Variants in GALNT13 observed in about 807,000 individuals in gnomAD.
The protein encoded by GALNT13 is UDP-GalNAc:polypeptide N-acetylgalactosaminyltransferase 13.
In GALNT13, 28 loss-of-function variants were observed where a neutral mutation model predicts 64.2. The ratio of observed to expected loss-of-function variants is 0.44; its 90% CI spans 0.32 to 0.60. The LOEUF (loss-of-function observed/expected upper bound fraction) is 0.60. GALNT13 is among the 20% of genes least tolerant of loss of function. The pLI is 0.05. For synonymous variants in GALNT13, 214 were observed against 224.6 expected, an observed-to-expected ratio of 0.95 and a Z score of 0.42; for missense variants, 577 against 669.8, an observed-to-expected ratio of 0.86 and a Z score of 1.53.
intron 8 of GALNT13, among the ~76,000 whole-genome samples, chr2:154,293,670 C>G (rs1692763306): frequency 1.3e-5 from 2 of 152,016 alleles, no homozygotes; most frequent in Non-Finnish European, 2.9e-5. Context: ...TGTGACAGAG[C>G]CTGTAGAAAA....
At chr2:153,656,790 C>T in the GALNT13 span, among the ~76,000 whole-genome samples, 45 of 151,996 alleles carry the variant, frequency 3.0e-4, no homozygotes, top group South Asian at 8.3e-3. Flanking sequence ...GCAGGAGAAC[C>T]GGGGCATCAA....
the GALNT13 span, among the ~76,000 whole-genome samples, chr2:153,704,208 C>G: frequency 6.6e-6 from 1 of 152,146 alleles, no homozygotes; most frequent in Non-Finnish European, 1.5e-5. Context: ...CCAAACATCA[C>G]TCAACATTTT....
Position 154,191,474 on chromosome 2 carries a change from ACAT to A in GALNT13, c.312-50553_312-50551del, listed in dbSNP as rs560620555. Among the ~76,000 whole-genome samples, 375 of 152,290 alleles carry A rather than the reference ACAT, an allele frequency of 2.5e-3. 2 individuals carry two copies. Among genetic ancestry groups the A allele is most frequent in the Non-Finnish European group, 4.1e-3 (278 of 68,024 alleles). ...CAGAGAGTGATAGGAGAGACTGAAA[ACAT>A]CAACTGTAGGAAGAGAAATTCAGAG... On this transcript the variant is annotated intron_variant, in intron 4 of 12. Transcript: ENST00000392825.
chr2:153,389,483 C>G, the GALNT13 span, among the ~76,000 whole-genome samples: 1 of 152,040 alleles, frequency 6.6e-6, no homozygotes, highest in African/African-American at 2.4e-5. Context: ...CAAACAAGCA[C>G]AAGGTCTAGA....
the GALNT13 span, among the ~76,000 whole-genome samples, chr2:153,842,747 C>A: frequency 1.3e-5 from 2 of 151,738 alleles, no homozygotes; most frequent in Non-Finnish European, 1.5e-5. Flanking sequence ...CACACATGCA[C>A]ACACACACAC....
the GALNT13 span, among the ~76,000 whole-genome samples, chr2:153,735,276 A>G: frequency 6.6e-6 from 1 of 151,946 alleles, no homozygotes; most frequent in Non-Finnish European, 1.5e-5. Context: ...TGTTTTTTTA[A>G]TGGTTTTAGT....
At chr2:153,615,054 A>C in the GALNT13 span, among the ~76,000 whole-genome samples, 1 of 152,008 alleles carries the variant, frequency 6.6e-6, no homozygotes, top group Non-Finnish European at 1.5e-5. Context: ...TCTGGTAACT[A>C]TCCTTCTACC....
At position 153,944,968 on chromosome 2, in the gene GALNT13, G is replaced by A. The variant is rs1263826392; in HGVS notation, c.142+329G>A. Among the ~76,000 whole-genome samples, 7 of 152,148 alleles carry A rather than the reference G, an allele frequency of 4.6e-5. No individual in the cohort carries two copies. The East Asian group carries it at 1.3e-3, about 29-fold the overall frequency. ...AAATCTAGGCTGCTAGAAGCCAAAAGCCTTTAAAGACCAAGCACATAACAT... is the reference window on the plus strand; with the variant it reads ...AAATCTAGGCTGCTAGAAGCCAAAAACCTTTAAAGACCAAGCACATAACAT... On this transcript the variant is annotated intron_variant, in intron 3 of 12. Coordinates refer to ENST00000392825, the MANE Select transcript of GALNT13 (RefSeq NM_052917.4).
the GALNT13 span, among the ~76,000 whole-genome samples, chr2:153,632,175 A>G: frequency 2.0e-5 from 3 of 152,076 alleles, no homozygotes; most frequent in African/African-American, 4.8e-5. Flanking sequence ...CTTTACTACA[A>G]GTTTTTTCCT....
chr2:153,633,013 G>A, the GALNT13 span, among the ~76,000 whole-genome samples: 1 of 151,832 alleles, frequency 6.6e-6, no homozygotes, highest in East Asian at 1.9e-4. Context: ...CACCCGCTTC[G>A]GCCTCCCAAA....
At chr2:153,122,246 T>C in the GALNT13 span, among the ~76,000 whole-genome samples, 1 of 151,848 alleles carries the variant, frequency 6.6e-6, no homozygotes, top group African/African-American at 2.4e-5. Context: ...GTCTGCTATA[T>C]GGTGTTATGT....
the GALNT13 span, among the ~76,000 whole-genome samples, chr2:153,414,785 T>C: frequency 0.11 from 17,268 of 152,132 alleles, 2,038 homozygotes; most frequent in African/African-American, 0.3. Flanking sequence ...TCTGAAAATA[T>C]ACTCCTATTC....
At chr2:153,706,316 A>G in the GALNT13 span, among the ~76,000 whole-genome samples, 8 of 152,136 alleles carry the variant, frequency 5.3e-5, no homozygotes, top group African/African-American at 1.7e-4. Flanking sequence ...ATTTTACTGC[A>G]GTCAATTATT....
At chr2:154,074,819 G>A (rs996989305) in intron 3 of GALNT13, among the ~76,000 whole-genome samples, 2 of 151,644 alleles carry the variant, frequency 1.3e-5, no homozygotes, top group African/African-American at 2.4e-5. Flanking sequence ...CCACATAATA[G>A]ATGCAGAAAA....
At chr2:153,984,886 C>T (rs1271959034) in intron 3 of GALNT13, among the ~76,000 whole-genome samples, 1 of 151,574 alleles carries the variant, frequency 6.6e-6, no homozygotes, top group African/African-American at 2.4e-5. Context: ...TGAATTGTAT[C>T]CAGTTCTTTA....
chr2:153,692,650 C>T, the GALNT13 span, among the ~76,000 whole-genome samples: 1 of 152,144 alleles, frequency 6.6e-6, no homozygotes, highest in Non-Finnish European at 1.5e-5. Context: ...CCACCAGAAG[C>T]GATTTGCTTT....
the GALNT13 span, among the ~76,000 whole-genome samples, chr2:153,266,804 C>A: frequency 2.6e-5 from 4 of 152,154 alleles, no homozygotes; most frequent in Non-Finnish European, 1.5e-5. Context: ...TGGTCCCTCC[C>A]AAATCTCACA....
intron 4 of GALNT13, among the ~76,000 whole-genome samples, chr2:154,162,443 C>A (rs866088354): frequency 6.6e-6 from 1 of 152,072 alleles, no homozygotes; most frequent in Admixed American, 6.6e-5. Flanking sequence ...AAGATTGTGG[C>A]CCAGAAAACA....
At chr2:154,020,081 T>A (rs1173898246) in intron 3 of GALNT13, among the ~76,000 whole-genome samples, 5 of 152,198 alleles carry the variant, frequency 3.3e-5, no homozygotes, top group African/African-American at 1.2e-4. Flanking sequence ...TGTGCCACAT[T>A]TTCTTACTAG....
Sources: allele counts gnomAD v4.1 joint callset (sites outside exome capture counted in the v4.1 genomes callset), GRCh38; gene constraint gnomAD v4.1.1; transcripts MANE v1.5; gene names NCBI Gene and HGNC (gene_info 2026-07-23, HGNC 2026-07-21).